Variants in CCSER1 observed in about 807,000 individuals in gnomAD.
CCSER1 encodes coiled-coil serine rich protein 1, also known as serine-rich coiled-coil domain-containing protein 1.
CCSER1 carries 41 observed loss-of-function variants against 82.0 expected under a neutral mutation model. That is an observed-to-expected ratio of 0.50 (90% CI 0.39 to 0.65). CCSER1 has a LOEUF of 0.65. CCSER1 is among the 30% of genes least tolerant of loss of function. The pLI is 0.00. For missense variants in CCSER1, 1,119 were observed against 1,064.2 expected, an observed-to-expected ratio of 1.05 and a Z score of -0.72; for synonymous variants, 414 against 383.9, an observed-to-expected ratio of 1.08 and a Z score of -0.92.
chr4:90,926,672 T>A (rs1192506979), intron 9 of CCSER1, among the ~76,000 whole-genome samples: 1 of 151,968 alleles, frequency 6.6e-6, no homozygotes, highest in Non-Finnish European at 1.5e-5. Flanking sequence ...AAAAAAAAAA[T>A]TCAGAGTGTC....
intron 8 of CCSER1, chr4:90,911,497 G>A: frequency 3.0e-6 from 1 of 330,152 alleles, no homozygotes; most frequent in Admixed American, 3.9e-5. Context: ...TAATCTTGGG[G>A]GCGGTTCCAA....
At chr4:90,130,989 T>A (rs2153312919) in intron 1 of CCSER1, among the ~76,000 whole-genome samples, 1 of 152,124 alleles carries the variant, frequency 6.6e-6, no homozygotes, top group African/African-American at 2.4e-5. Flanking sequence ...CTTTATGTTG[T>A]CTTTTTGTTT....
chr4:91,392,817 C>T (rs1045301730), intron 10 of CCSER1, among the ~76,000 whole-genome samples: 40 of 152,178 alleles, frequency 2.6e-4, no homozygotes, highest in African/African-American at 9.4e-4. Flanking sequence ...GGGTTTTCCA[C>T]ATTTTTCTGA....
At chr4:90,461,104 C>T (rs1054735227) in intron 4 of CCSER1, among the ~76,000 whole-genome samples, 3 of 105,862 alleles carry the variant, frequency 2.8e-5, no homozygotes, top group South Asian at 5.5e-4. Context: ...CTCGCTCTGT[C>T]GCCCAGGCTG....
chr4:91,586,273 A>C (rs747553157), intron 10 of CCSER1, among the ~76,000 whole-genome samples: 1 of 151,774 alleles, frequency 6.6e-6, no homozygotes, highest in African/African-American at 2.4e-5. Flanking sequence ...AGGTAGATAC[A>C]CGAATGAAAA....
chr4:90,353,384 A>G (rs1275417986), intron 3 of CCSER1, among the ~76,000 whole-genome samples: 1 of 152,122 alleles, frequency 6.6e-6, no homozygotes, highest in Admixed American at 6.5e-5. Flanking sequence ...CTACTTTGTC[A>G]GATTGAACAT....
At chr4:91,011,150 G>A (rs1213283608) in intron 9 of CCSER1, among the ~76,000 whole-genome samples, 3 of 134,564 alleles carry the variant, frequency 2.2e-5, no homozygotes, top group African/African-American at 7.4e-5. Flanking sequence ...AAATGCAATG[G>A]TACAGCCTCC....
intron 10 of CCSER1, among the ~76,000 whole-genome samples, chr4:91,589,959 C>G (rs1764188971): frequency 6.6e-6 from 1 of 151,934 alleles, no homozygotes; most frequent in Admixed American, 6.6e-5. Flanking sequence ...TACTGTTCTA[C>G]AAGATTTGGT....
At chr4:91,037,269 C>G (rs1306380264) in intron 9 of CCSER1, among the ~76,000 whole-genome samples, 1 of 151,638 alleles carries the variant, frequency 6.6e-6, no homozygotes, top group Admixed American at 6.6e-5. Flanking sequence ...TACATACACA[C>G]ACACACACAC....
At chr4:91,504,848 G>C (rs1204981469) in intron 10 of CCSER1, among the ~76,000 whole-genome samples, 1 of 152,078 alleles carries the variant, frequency 6.6e-6, no homozygotes, top group Non-Finnish European at 1.5e-5. Flanking sequence ...GATAAACCAA[G>C]TGAATAAATT....
chr4:91,172,429 A>G (rs1263008646), intron 10 of CCSER1, among the ~76,000 whole-genome samples: 1 of 152,220 alleles, frequency 6.6e-6, no homozygotes, highest in Non-Finnish European at 1.5e-5. Context: ...GAAACCTGAA[A>G]GCTCTGGGAA....
At chr4:91,083,047 C>T (rs1412007686) in intron 9 of CCSER1, among the ~76,000 whole-genome samples, 1 of 152,154 alleles carries the variant, frequency 6.6e-6, no homozygotes, top group Non-Finnish European at 1.5e-5. Context: ...TTGACCCAGC[C>T]ATCCCATTAC....
chr4:91,530,692 T>C (rs1166507154), intron 10 of CCSER1, among the ~76,000 whole-genome samples: 1 of 151,482 alleles, frequency 6.6e-6, no homozygotes, highest in East Asian at 1.9e-4. Flanking sequence ...TTCTTTTTTT[T>C]TTTTTTTTGA....
At chr4:91,283,433 G>A (rs1743062952) in intron 10 of CCSER1, among the ~76,000 whole-genome samples, 1 of 152,076 alleles carries the variant, frequency 6.6e-6, no homozygotes. Context: ...TAGTTTAAAA[G>A]ATTTTGAGAA....
At chr4:91,225,894 G>A (rs1412419834) in intron 10 of CCSER1, among the ~76,000 whole-genome samples, 1 of 151,990 alleles carries the variant, frequency 6.6e-6, no homozygotes, top group African/African-American at 2.4e-5. Context: ...CTAAACCTGA[G>A]CTCAGACTGC....
At chr4:90,698,459 A>C (rs1371025806) in intron 6 of CCSER1, among the ~76,000 whole-genome samples, 1 of 152,214 alleles carries the variant, frequency 6.6e-6, no homozygotes. Flanking sequence ...TCTGTAGTGC[A>C]ATATAGAGAT....
At chr4:90,930,910 T>TTATATATATATA (rs70963098) in intron 9 of CCSER1, among the ~76,000 whole-genome samples, 68 of 109,632 alleles carry the variant, frequency 6.2e-4, no homozygotes, top group South Asian at 3.8e-3. Context: ...TATCCTTATT[T>TTATATATATATA]TATATATATA....
intron 10 of CCSER1, among the ~76,000 whole-genome samples, chr4:91,242,235 G>C (rs73836891): frequency 6.6e-6 from 1 of 152,158 alleles, no homozygotes; most frequent in Non-Finnish European, 1.5e-5. Flanking sequence ...TAAAGTGGAC[G>C]GTGTGATTGG....
chr4:90,592,388 AT>A (rs1386694546), intron 5 of CCSER1, among the ~76,000 whole-genome samples: 3 of 152,000 alleles, frequency 2.0e-5, no homozygotes. Flanking sequence ...TTTTTTGTGT[AT>A]TTTTGTGTTA....
Sources: allele counts gnomAD v4.1 joint callset (sites outside exome capture counted in the v4.1 genomes callset), GRCh38; gene constraint gnomAD v4.1.1; transcripts MANE v1.5; gene names NCBI Gene and HGNC (gene_info 2026-07-23, HGNC 2026-07-21).